GEMIN2: variants seen among roughly 807,000 people sequenced by gnomAD.
The protein encoded by GEMIN2 is gem-associated protein 2.
In GEMIN2, 37 loss-of-function variants were observed where a neutral mutation model predicts 45.8. The observed-to-expected ratio is 0.81, with a 90% CI of 0.62 to 1.06. GEMIN2 has a LOEUF of 1.06. Among genes scored for constraint, GEMIN2 ranks in the 50% least tolerant of loss-of-function variants. The probability of loss-of-function intolerance (pLI) is 0.00; values close to 1 mark genes in which losing one functional copy is unlikely to be tolerated. For synonymous variants in GEMIN2, 101 were observed against 111.5 expected (o/e 0.91, Z 0.60); for missense variants, 335 against 321.8 (o/e 1.04, Z -0.31).
chr14:39,127,349 T>G (rs1398772716), intron 6 of GEMIN2, among the ~76,000 whole-genome samples: 3 of 139,274 alleles, frequency 2.2e-5, no homozygotes, highest in Non-Finnish European at 3.1e-5. Flanking sequence ...TTTTTTTTTT[T>G]TTTTTTTTTT....
intron 7 of GEMIN2, among the ~76,000 whole-genome samples, chr14:39,129,361 T>C (rs2052685765): frequency 6.6e-6 from 1 of 152,164 alleles, no homozygotes; most frequent in Non-Finnish European, 1.5e-5. Context: ...TCTCCCTTCA[T>C]TAAGTGATGC....
chr14:39,132,042 A>T lies in GEMIN2; in HGVS notation c.685A>T (p.Arg229Trp). Residue 229 changes from arginine (R) to tryptophan (W), a missense_variant, in exon 8 of 10, where the codon AGG becomes TGG. Arg to Trp is a moderately radical substitution (Grantham distance 101). Transcript: ENST00000308317. Reference protein sequence around the residue: ...AHSLIRQLARRCSEVRLLVDS... With the variant: ...AHSLIRQLARWCSEVRLLVDS... ...TTCACTGATTCGGCAGCTTGCAAGA[A>T]GGTGCTCTGAAGTGAGGCTCTTAGT... The T allele has an allele frequency of 6.3e-7, 1 of 1,584,052 alleles. No individual in the cohort carries two copies.
At chr14:39,122,576 C>A in intron 5 of GEMIN2, 33 bp downstream of exon 5, 1 of 1,165,916 alleles carries the variant, frequency 8.6e-7, no homozygotes. Flanking sequence ...GAACAAAAAG[C>A]ATTTTAATTT....
rs1374742857 is a variant in GEMIN2 at position 39,136,785 on chromosome 14, T to A, written c.*306T>A. ...TCTTGGTGCTGTTTTGTTCTTTTTT[T>A]GTTTTTTGTTGTTTTGTTATTTACT... On this transcript the variant is annotated 3_prime_UTR_variant, in exon 10 of 10. Coordinates refer to ENST00000308317, the MANE Select transcript of GEMIN2 (RefSeq NM_003616.3). 4.0e-6 allele frequency: 1 copy of A among 247,132 alleles called. No individual in the cohort carries two copies. The highest frequency in any genetic ancestry group is 2.3e-5 in the African/African-American group (1 of 44,356). The allele number at this position is 247,132 out of a possible 1,614,324, so 15.3% of individuals were successfully genotyped here. A position where few individuals can be genotyped will look rare whatever the true frequency, so the allele number is the denominator to read the frequency against.
intron 2 of GEMIN2, among the ~76,000 whole-genome samples, chr14:39,116,176 C>T (rs928579037): frequency 3.3e-5 from 5 of 151,802 alleles, no homozygotes; most frequent in South Asian, 2.1e-4. Flanking sequence ...GCTAGGATTA[C>T]AGGCGTGTGC....
At chr14:39,136,098 G>A (rs1263726696) in intron 9 of GEMIN2, among the ~76,000 whole-genome samples, 2 of 151,850 alleles carry the variant, frequency 1.3e-5, no homozygotes, top group African/African-American at 4.8e-5. Context: ...GTCTCAAAAA[G>A]GAAAAGAAAA....
intron 7 of GEMIN2, among the ~76,000 whole-genome samples, chr14:39,131,221 C>T (rs560849461): frequency 1.9e-3 from 280 of 150,884 alleles, no homozygotes; most frequent in African/African-American, 6.2e-3. Flanking sequence ...TGCTTGAACC[C>T]GGGAGGCAGA....
intron 5 of GEMIN2, among the ~76,000 whole-genome samples, chr14:39,122,980 G>GAA (rs1435083469): frequency 1.3e-5 from 2 of 152,018 alleles, no homozygotes; most frequent in Non-Finnish European, 2.9e-5. Flanking sequence ...AGTAGCCAGG[G>GAA]AAAAAATGGA....
In GEMIN2 at chr14:39,118,026, G is replaced by A; in HGVS notation, c.250G>A (p.Gly84Ser). 1 of 1,607,268 alleles carries A rather than the reference G, an allele frequency of 6.2e-7. No individual in the cohort carries two copies. The highest frequency in any genetic ancestry group is 8.5e-7 in the Non-Finnish European group (1 of 1,175,576). The change falls in exon 3 of 10, where the codon GGT (glycine) becomes AGT (serine). Residue 84 changes from glycine to serine, a missense_variant. Transcript: ENST00000308317. ...TTCAGGATGCCAACCCGCCCCTGAA[G>A]GTTATTCCCCAACACTTCAATGGCA... The part of the protein sequence containing the change: ...SLSGCQPAPE[G>S]YSPTLQWQQQ...
At chr14:39,118,780 A>ATTT (rs373341724) in intron 4 of GEMIN2, among the ~76,000 whole-genome samples, 181 bp downstream of exon 4, 6 of 138,732 alleles carry the variant, frequency 4.3e-5, no homozygotes, top group African/African-American at 1.6e-4. Context: ...TTCATGACAA[A>ATTT]TTTTTTTTTT....
At chr14:39,132,984 GTGTGTGTGTGTGTGTGTATATATA>G (rs1466863213) in intron 8 of GEMIN2, among the ~76,000 whole-genome samples, 11 of 121,234 alleles carry the variant, frequency 9.1e-5, no homozygotes, top group African/African-American at 3.5e-4. Flanking sequence ...TGGTGTGTGT[GTGTGTGTGTGTGTGTGTATATATA>G]TGTGTGTGTG....
intron 7 of GEMIN2, among the ~76,000 whole-genome samples, chr14:39,129,722 A>G (rs186458773): frequency 1.6e-4 from 25 of 151,678 alleles, no homozygotes; most frequent in African/African-American, 6.1e-4. Context: ...CAGTATTTAT[A>G]TTTATATTTA....
intron 5 of GEMIN2, 151 bp downstream of exon 5, chr14:39,122,694 A>G (rs1332970541): frequency 1.3e-5 from 6 of 468,528 alleles, no homozygotes. Context: ...GTTTTGAAAG[A>G]GTAAAAAAGA....
At chr14:39,127,347 T>G (rs1300630146) in intron 6 of GEMIN2, among the ~76,000 whole-genome samples, 3 of 137,960 alleles carry the variant, frequency 2.2e-5, no homozygotes, top group South Asian at 2.5e-4. Context: ...TTTTTTTTTT[T>G]TTTTTTTTTT....
intron 7 of GEMIN2, among the ~76,000 whole-genome samples, chr14:39,129,029 A>C (rs2052682087): frequency 6.6e-6 from 1 of 152,172 alleles, no homozygotes; most frequent in Non-Finnish European, 1.5e-5. Context: ...AGGCAGGAGG[A>C]TCACCTAAGG....
chr14:39,129,941 T>G (rs1312935896), intron 7 of GEMIN2, among the ~76,000 whole-genome samples: 5 of 132,102 alleles, frequency 3.8e-5, no homozygotes, highest in African/African-American at 9.2e-5. Context: ...TTTGTTTTTT[T>G]TTTTTTTTTT....
chr14:39,119,541 A>G (rs17108830), intron 4 of GEMIN2, among the ~76,000 whole-genome samples: 10,450 of 151,020 alleles, frequency 0.069, 1,195 homozygotes, highest in African/African-American at 0.24. Flanking sequence ...AATGAAAGCT[A>G]TTTATCTTCA....
chr14:39,131,931 A>G (rs201217860), intron 7 of GEMIN2, 27 bp from the exon 8 acceptor site: 18 of 1,067,542 alleles, frequency 1.7e-5, no homozygotes, highest in Middle Eastern at 4.1e-4. Context: ...ATTTGTCTAA[A>G]TATTAATTTT....
chr14:39,128,045 G>A (rs1307234072), intron 6 of GEMIN2, among the ~76,000 whole-genome samples: 4 of 124,506 alleles, frequency 3.2e-5, no homozygotes, highest in African/African-American at 9.3e-5. Context: ...TCCAGCCTGG[G>A]CAACAGAGTG....
Sources: allele counts gnomAD v4.1 joint callset (sites outside exome capture counted in the v4.1 genomes callset), GRCh38; gene constraint gnomAD v4.1.1; transcripts MANE v1.5; gene names NCBI Gene and HGNC (gene_info 2026-07-23, HGNC 2026-07-21).